The following CAB39 variants were observed in gnomAD, a reference collection of about 807,000 sequenced individuals.
CAB39 encodes calcium binding protein 39, also known as calcium-binding protein 39.
Under a neutral mutation model 40.0 loss-of-function variants are expected in CAB39, and 8 were observed. The ratio of observed to expected loss-of-function variants is 0.20; its 90% confidence interval spans 0.12 to 0.36. CAB39 has a LOEUF of 0.36. Among genes scored for constraint, CAB39 ranks in the 10% least tolerant of loss-of-function variants. CAB39 has a pLI of 1.00. For synonymous variants in CAB39, 156 were observed against 141.6 expected (o/e 1.10, Z -0.72); for missense variants, 270 against 401.1 (o/e 0.67, Z 2.79).
intron 1 of CAB39, among the ~76,000 whole-genome samples, chr2:230,715,840 A>C (rs1429877815): frequency 1.3e-5 from 2 of 152,122 alleles, no homozygotes; most frequent in Non-Finnish European, 2.9e-5. Context: ...AGACGGGACC[A>C]CAGGCTCGTA....
At chr2:230,751,728 G>C (rs1695088610) in intron 1 of CAB39, among the ~76,000 whole-genome samples, 1 of 152,108 alleles carries the variant, frequency 6.6e-6, no homozygotes, top group Non-Finnish European at 1.5e-5. Context: ...TTGTAAGATA[G>C]AAGTGGCCAT....
rs1436053150 is a variant in CAB39 at position 230,814,105 on chromosome 2, G to A, written c.684G>A (p.Gln228=). The A allele has an allele frequency of 5.6e-6, 8 of 1,432,318 alleles. No homozygotes were observed. Among genetic ancestry groups the A allele is most frequent in the South Asian group, 2.5e-5 (2 of 81,188 alleles). The allele number at this position is 1,432,318 out of a possible 1,614,324, so 88.7% of individuals were successfully genotyped here. The part of the protein sequence containing the change: ...LHSENYVTKR[Q]SLKLLGELLL... ...CAGAAAATTATGTGACAAAAAGACA[G>A]TCACTGAAGGTATGACAGACCATTT... Residue 228 remains glutamine, a synonymous_variant, in exon 7 of 9, where the codon CAG becomes CAA. Transcript: ENST00000258418.
rs1393818221 is a variant in CAB39, at chr2:230,819,965, C to T, written c.*1261C>T. 1.3e-5 allele frequency: 2 copies of T among 152,588 alleles called. No homozygotes were observed. Among genetic ancestry groups the T allele is most frequent in the Non-Finnish European group, 2.9e-5 (2 of 68,030 alleles). The allele number at this position is 152,588 out of a possible 1,614,324, so 9.5% of individuals were successfully genotyped here. ...AACTTTGGCTTCTCTTAGGAAAAGA[C>T]GACTTCCTAGTCATAGGTGTCCTAT... On this transcript the variant is annotated 3_prime_UTR_variant, in exon 9 of 9. Coordinates refer to ENST00000258418, the MANE Select transcript of CAB39 (RefSeq NM_016289.4).
Position 230,818,822 on chromosome 2 carries a change from T to A in CAB39, c.*118T>A. ...TGCTAATCTGCTGTTAAGTGAACGG[T>A]TTTTCATTTTACCCTTTTGTTTTTC... On this transcript the variant is annotated 3_prime_UTR_variant, in exon 9 of 9. Coordinates refer to ENST00000258418, the MANE Select transcript of CAB39 (RefSeq NM_016289.4). 1.2e-6 allele frequency: 1 copy of A among 815,448 alleles called. No homozygotes were observed. The highest frequency in any genetic ancestry group is 1.9e-6 in the Non-Finnish European group (1 of 520,908). 50.5% of individuals were successfully genotyped at this position (815,448 alleles called of 1,614,324 possible).
At chr2:230,818,489 G>C in intron 8 of CAB39, 27 bp from the exon 9 acceptor site, 1 of 1,601,554 alleles carries the variant, frequency 6.2e-7, no homozygotes, top group African/African-American at 1.3e-5. Context: ...CTTTCTCTGT[G>C]CCTCATGTGC....
At chr2:230,754,420 T>TCCCTCCTTCGTCCCCTTC (rs1695150921) in intron 1 of CAB39, among the ~76,000 whole-genome samples, 2 of 97,242 alleles carry the variant, frequency 2.1e-5, no homozygotes, top group Non-Finnish European at 4.2e-5. Context: ...TCTTCCCCTT[T>TCCCTCCTTCGTCCCCTTC]CCCTCCTTCT....
intron 4 of CAB39, among the ~76,000 whole-genome samples, chr2:230,798,287 A>G (rs1235279737): frequency 1.3e-5 from 2 of 152,186 alleles, no homozygotes; most frequent in South Asian, 2.1e-4. Context: ...TATAAATTCT[A>G]TATGTTTGTA....
chr2:230,718,439 C>T (rs1037066266), intron 1 of CAB39, among the ~76,000 whole-genome samples: 3 of 152,128 alleles, frequency 2.0e-5, no homozygotes, highest in East Asian at 1.9e-4. Context: ...AGTTAAGGCC[C>T]GCTTTTAGGT....
At chr2:230,748,105 T>C (rs1695007213) in intron 1 of CAB39, among the ~76,000 whole-genome samples, 1 of 152,116 alleles carries the variant, frequency 6.6e-6, no homozygotes, top group Non-Finnish European at 1.5e-5. Context: ...AAGTCTCTGC[T>C]GTCTTTTTTT....
At chr2:230,793,484 C>T (rs1695925953) in intron 4 of CAB39, among the ~76,000 whole-genome samples, 153 bp downstream of exon 4, 1 of 152,290 alleles carries the variant, frequency 6.6e-6, no homozygotes, top group East Asian at 1.9e-4. Context: ...CCTTGAAATT[C>T]AACTTGTGAG....
intron 5 of CAB39, among the ~76,000 whole-genome samples, chr2:230,809,565 A>G (rs1025074652): frequency 7.2e-5 from 11 of 152,140 alleles, no homozygotes; most frequent in Admixed American, 2.6e-4. Flanking sequence ...TTGTCTTTGA[A>G]GCCCTAGCAC....
At chr2:230,730,483 G>A (rs886458764) in intron 1 of CAB39, among the ~76,000 whole-genome samples, 1 of 144,394 alleles carries the variant, frequency 6.9e-6, no homozygotes, top group African/African-American at 2.6e-5. Context: ...TCGCTCTTGT[G>A]CCCCAGGCTG....
intron 1 of CAB39, among the ~76,000 whole-genome samples, chr2:230,745,460 T>C (rs1292734293): frequency 6.6e-6 from 1 of 152,248 alleles, no homozygotes; most frequent in Non-Finnish European, 1.5e-5. Flanking sequence ...CTCAGACCTA[T>C]GCTTGCACTC....
intron 2 of CAB39, among the ~76,000 whole-genome samples, chr2:230,788,057 A>G (rs1322239863): frequency 2.0e-5 from 3 of 152,236 alleles, no homozygotes; most frequent in Non-Finnish European, 4.4e-5. Context: ...ATGAGACTAT[A>G]TGATCCTCTA....
chr2:230,750,023 T>C (rs746046995), intron 1 of CAB39, among the ~76,000 whole-genome samples: 1 of 152,248 alleles, frequency 6.6e-6, no homozygotes, highest in Admixed American at 6.5e-5. Context: ...TTTACTCATC[T>C]ATAGAATAGA....
chr2:230,731,905 G>A (rs776631724), intron 1 of CAB39, among the ~76,000 whole-genome samples: 32 of 152,204 alleles, frequency 2.1e-4, no homozygotes, highest in African/African-American at 2.6e-4. Flanking sequence ...TAGCTTTTTC[G>A]AACTTCGTGT....
intron 1 of CAB39, among the ~76,000 whole-genome samples, chr2:230,715,708 T>C (rs990967312): frequency 1.3e-5 from 2 of 152,198 alleles, no homozygotes; most frequent in Non-Finnish European, 2.9e-5. Flanking sequence ...TTTTTGGTTT[T>C]GTTTTGTTTT....
intron 1 of CAB39, among the ~76,000 whole-genome samples, chr2:230,720,671 C>T (rs1019212745): frequency 1.3e-5 from 2 of 152,160 alleles, no homozygotes; most frequent in African/African-American, 4.8e-5. Flanking sequence ...CCGCCCACCT[C>T]GGCCTCCCAA....
At chr2:230,731,806 T>C (rs1445821458) in intron 1 of CAB39, among the ~76,000 whole-genome samples, 8 of 152,058 alleles carry the variant, frequency 5.3e-5, no homozygotes, top group Non-Finnish European at 1.5e-5. Context: ...AATTGTATGC[T>C]GAATTGTATG....
Sources: gnomAD v4.1 joint callset for allele counts (sites outside exome capture counted in the v4.1 genomes callset) on GRCh38, gnomAD v4.1.1 for gene constraint, MANE v1.5 for transcripts, NCBI Gene and HGNC (gene_info 2026-07-23, HGNC 2026-07-21) for gene names.